The following SORCS3 variants were observed in gnomAD, a reference collection of about 807,000 sequenced individuals.
SORCS3 encodes sortilin related VPS10 domain containing receptor 3.
In SORCS3, 57 loss-of-function variants were observed where a neutral mutation model predicts 146.3. That is an observed-to-expected ratio of 0.39 (90% CI 0.31 to 0.49). The LOEUF (loss-of-function observed/expected upper bound fraction) is 0.49, where lower values mean the gene tolerates loss of function less well. Among genes scored for constraint, SORCS3 ranks in the 20% least tolerant of loss-of-function variants. The probability of loss-of-function intolerance (pLI) is 0.92; values close to 1 mark genes in which losing one functional copy is unlikely to be tolerated. For synonymous variants in SORCS3, 653 were observed against 618.5 expected (o/e 1.06, Z -0.83); for missense variants, 1,341 against 1,575.5 (o/e 0.85, Z 2.52).
chr10:104,795,425 T>A (rs1185288677), intron 1 of SORCS3, among the ~76,000 whole-genome samples: 1 of 152,222 alleles, frequency 6.6e-6, no homozygotes, highest in Admixed American at 6.5e-5. Context: ...GTATTTGTAT[T>A]CCTAGAAAAT....
intron 22 of SORCS3, among the ~76,000 whole-genome samples, chr10:105,251,942 T>C (rs979587857): frequency 3.3e-5 from 5 of 152,208 alleles, no homozygotes; most frequent in Non-Finnish European, 7.3e-5. Flanking sequence ...GGAAATAGAT[T>C]GGAATGCAGC....
Position 105,196,288 on chromosome 10 carries a change from T to TTAGA in SORCS3, c.2010-3710_2010-3707dup, listed in dbSNP as rs2056543702. On this transcript the variant is annotated intron_variant, in intron 14 of 26. Coordinates refer to ENST00000369701, the MANE Select transcript of SORCS3 (RefSeq NM_014978.3). The stretch of plus-strand genomic sequence containing the variant: ...TTTTGAGCATCTCTTGTTCCTGTTG[T>TTAGA]TAGAACCTTTGTCTGTTAGAAAGTT... 2.0e-5 allele frequency among the ~76,000 whole-genome samples: 3 copies of TTAGA among 152,328 alleles called. No individual in the cohort carries two copies. The South Asian group carries it at 6.2e-4, about 32-fold the overall frequency.
intron 4 of SORCS3, among the ~76,000 whole-genome samples, chr10:105,012,770 T>C (rs1429202908): frequency 6.6e-6 from 1 of 152,168 alleles, no homozygotes; most frequent in Non-Finnish European, 1.5e-5. Flanking sequence ...TATGAAAATA[T>C]TGTACGTTGA....
At chr10:104,951,625 G>A (rs986881782) in intron 3 of SORCS3, among the ~76,000 whole-genome samples, 9 of 152,156 alleles carry the variant, frequency 5.9e-5, no homozygotes, top group Admixed American at 2.0e-4. Flanking sequence ...GATTACAGGT[G>A]TGAGCCACCA....
chr10:104,829,864 C>T (rs976645391), intron 1 of SORCS3, among the ~76,000 whole-genome samples: 3 of 152,068 alleles, frequency 2.0e-5, no homozygotes, highest in Admixed American at 1.3e-4. Flanking sequence ...CTGTGTCAGC[C>T]AGGGCCTCTA....
chr10:105,207,433 A>G (rs2056609420), intron 16 of SORCS3, among the ~76,000 whole-genome samples: 1 of 152,184 alleles, frequency 6.6e-6, no homozygotes, highest in Non-Finnish European at 1.5e-5. Flanking sequence ...TGAGAAAGAC[A>G]TAGAGGTGAC....
intron 10 of SORCS3, among the ~76,000 whole-genome samples, chr10:105,157,983 C>A (rs998624148): frequency 6.6e-6 from 1 of 152,226 alleles, no homozygotes. Flanking sequence ...GATTTATTAA[C>A]CACTTATCTT....
intron 1 of SORCS3, among the ~76,000 whole-genome samples, chr10:104,771,399 A>G (rs1250121035): frequency 6.6e-6 from 1 of 152,204 alleles, no homozygotes; most frequent in African/African-American, 2.4e-5. Flanking sequence ...GAGGTGGCTC[A>G]TGGAATCTCT....
intron 1 of SORCS3, among the ~76,000 whole-genome samples, chr10:104,643,738 G>GTGTGTGTGTGTGTT (rs1237706167): frequency 6.0e-4 from 91 of 151,762 alleles, no homozygotes; most frequent in African/African-American, 2.1e-3. Context: ...GTGTGTGTGT[G>GTGTGTGTGTGTGTT]TGTGTGTTGG....
At position 105,201,117 on chromosome 10, in the gene SORCS3, A is replaced by C; in HGVS notation, c.2128-3A>C. 6.2e-7 allele frequency: 1 copy of C among 1,611,256 alleles called. No homozygotes were observed. The highest frequency in any genetic ancestry group is 1.3e-5 in the African/African-American group (1 of 74,868). ...CTCTCACACTATGGAATTTCTCTCT[A>C]AGGGAGAGCCTTGTGTCATGGGAGA... On this transcript the variant is annotated splice_polypyrimidine_tract_variant and splice_region_variant and intron_variant, in intron 15 of 26. Coordinates refer to ENST00000369701, the MANE Select transcript of SORCS3 (RefSeq NM_014978.3).
intron 4 of SORCS3, among the ~76,000 whole-genome samples, chr10:104,978,365 A>G (rs908143011): frequency 7.9e-5 from 12 of 152,192 alleles, no homozygotes; most frequent in African/African-American, 2.9e-4. Context: ...TAGTGACCCC[A>G]ATAAGACCTC....
intron 22 of SORCS3, among the ~76,000 whole-genome samples, chr10:105,251,839 C>G (rs1450141105): frequency 6.6e-6 from 1 of 152,124 alleles, no homozygotes; most frequent in Non-Finnish European, 1.5e-5. Flanking sequence ...AAAATTCACT[C>G]GTATTCTCAG....
chr10:105,031,963 C>T lies in SORCS3; in HGVS notation c.955-11092C>T, dbSNP rs562028882. Among the ~76,000 whole-genome samples the T allele has an allele frequency of 2.1e-3, 323 of 152,244 alleles. 1 individual carries two copies. Among genetic ancestry groups the T allele is most frequent in the African/African-American group, 7.3e-3 (302 of 41,538 alleles). On this transcript the variant is annotated intron_variant, in intron 4 of 26. Transcript: ENST00000369701. ...ATCCCAGCACTTTGGAAGGCCGAGGCAGGCAGATCACTTGAGGTCAGGAGT... is the reference window on the plus strand; with the variant it reads ...ATCCCAGCACTTTGGAAGGCCGAGGTAGGCAGATCACTTGAGGTCAGGAGT...
chr10:104,976,075 T>G (rs1390482241), intron 3 of SORCS3, among the ~76,000 whole-genome samples: 1 of 152,084 alleles, frequency 6.6e-6, no homozygotes, highest in African/African-American at 2.4e-5. Flanking sequence ...CTAATTAAAC[T>G]AAAGAGCTTC....
intron 13 of SORCS3, among the ~76,000 whole-genome samples, chr10:105,175,936 C>T (rs1417993370): frequency 2.6e-5 from 4 of 151,948 alleles, no homozygotes; most frequent in African/African-American, 9.7e-5. Context: ...TTAATCTGTA[C>T]ATTAGGACAG....
chr10:104,726,015 T>G (rs1589474744), intron 1 of SORCS3, among the ~76,000 whole-genome samples: 1 of 152,220 alleles, frequency 6.6e-6, no homozygotes, highest in Non-Finnish European at 1.5e-5. Flanking sequence ...CCCAATGAGA[T>G]GAACCCGGTA....
At chr10:105,244,773 GA>G (rs1297878230) in intron 20 of SORCS3, among the ~76,000 whole-genome samples, 2 of 152,050 alleles carry the variant, frequency 1.3e-5, no homozygotes, top group Admixed American at 6.6e-5. Flanking sequence ...TCTGCTCTAT[GA>G]AAGGCAATGT....
chr10:104,815,713 A>C (rs2017790231), intron 1 of SORCS3, among the ~76,000 whole-genome samples: 1 of 152,156 alleles, frequency 6.6e-6, no homozygotes, highest in African/African-American at 2.4e-5. Context: ...TACATAAAAC[A>C]AAAACAGTTT....
chr10:104,893,376 A>G (rs1343715830), intron 2 of SORCS3, among the ~76,000 whole-genome samples: 1 of 152,132 alleles, frequency 6.6e-6, no homozygotes, highest in African/African-American at 2.4e-5. Context: ...GCATAACCTC[A>G]TTCTGAGTAT....
Sources: allele counts gnomAD v4.1 joint callset (sites outside exome capture counted in the v4.1 genomes callset), GRCh38; gene constraint gnomAD v4.1.1; transcripts MANE v1.5; gene names NCBI Gene and HGNC (gene_info 2026-07-23, HGNC 2026-07-21).